Variants in C5 observed in about 807,000 individuals in gnomAD.
The protein encoded by C5 is complement C5, also known as C3 and PZP-like alpha-2-macroglobulin domain-containing protein 4.
In C5, 140 loss-of-function variants were observed where a neutral mutation model predicts 218.8. That is an observed-to-expected ratio of 0.64 (90% CI 0.56 to 0.74). The LOEUF (loss-of-function observed/expected upper bound fraction) is 0.74. Among genes scored for constraint, C5 ranks in the 30% least tolerant of loss-of-function variants. The probability of loss-of-function intolerance (pLI) is 0.00; values close to 1 mark genes in which losing one functional copy is unlikely to be tolerated. For synonymous variants in C5, 614 were observed against 682.3 expected (o/e 0.90, Z 1.56); for missense variants, 1,700 against 1,969.6 (o/e 0.86, Z 2.59).
intron 3 of C5, among the ~76,000 whole-genome samples, chr9:121,041,246 G>A (rs373327589): frequency 1.4e-5 from 2 of 139,488 alleles, no homozygotes; most frequent in Non-Finnish European, 3.1e-5. Context: ...GCCTGGCCAG[G>A]TATTACATCA....
At chr9:121,022,265 AC>A (rs1392754455) in intron 10 of C5, among the ~76,000 whole-genome samples, 1 of 151,308 alleles carries the variant, frequency 6.6e-6, no homozygotes, top group Non-Finnish European at 1.5e-5. Flanking sequence ...AAATAGATAC[AC>A]CTTTTTTCCT....
intron 5 of C5, 46 bp downstream of exon 5, chr9:121,034,757 A>G: frequency 9.2e-7 from 1 of 1,090,044 alleles, no homozygotes; most frequent in Non-Finnish European, 1.4e-6. Context: ...CTGCTTCTTC[A>G]CCAAAAGTTC....
At chr9:120,971,445 T>C (rs2046912672) in intron 31 of C5, among the ~76,000 whole-genome samples, 3 of 152,082 alleles carry the variant, frequency 2.0e-5, no homozygotes, top group Non-Finnish European at 4.4e-5. Flanking sequence ...GGATTAAATT[T>C]TTTTGTGTGT....
At position 120,969,072 on chromosome 9, in the gene C5, T is replaced by A; in HGVS notation, c.4209A>T (p.Val1403=). The A allele has an allele frequency of 6.2e-7, 1 of 1,613,862 alleles. No individual in the cohort carries two copies. The part of the protein sequence containing the change: ...GYGNSDYKRI[V]ACASYKPSRE... ...GGAAATAGGCTCACCTGGCACATGC[T>A]ACTATGCGTTTGTAATCAGAGTTTC... Residue 1403 remains valine (V), a synonymous_variant, in exon 33 of 41, where the codon GTA becomes GTT. Coordinates refer to ENST00000223642, the MANE Select transcript of C5 (RefSeq NM_001735.3).
chr9:120,976,798 G>T lies in C5; in HGVS notation c.3766C>A (p.Leu1256Ile). ...ATATCTTTCAAGTTCAGACTGGTGAGTAAAGCATAGGCAGTTGTTTCTACC... is the reference window on the plus strand; with the variant it reads ...ATATCTTTCAAGTTCAGACTGGTGATTAAAGCATAGGCAGTTGTTTCTACC... ...RMVETTAYAL[L>I]TSLNLKDINY... The change falls in exon 29 of 41, where the codon CTC (leucine) becomes ATC (isoleucine). Residue 1256 changes from leucine to isoleucine, a missense_variant. Transcript: ENST00000223642. The T allele has an allele frequency of 6.2e-7, 1 of 1,614,052 alleles. No homozygotes were observed.
chr9:121,048,269 A>G (rs2047644655), intron 1 of C5, among the ~76,000 whole-genome samples: 1 of 152,208 alleles, frequency 6.6e-6, no homozygotes, highest in Admixed American at 6.5e-5. Context: ...CCCCTGGGCC[A>G]TGGACAAATA....
chr9:121,068,976 T>A, the C5 span, among the ~76,000 whole-genome samples: 2 of 152,070 alleles, frequency 1.3e-5, no homozygotes, highest in East Asian at 1.9e-4. Context: ...TATAAAAACC[T>A]TGTACGTGAG....
chr9:120,991,359 C>T (rs1587964757), intron 22 of C5, 79 bp from the exon 23 acceptor site: 7 of 802,672 alleles, frequency 8.7e-6, no homozygotes, highest in Non-Finnish European at 1.5e-5. Flanking sequence ...GTATCTACTT[C>T]CAAAGAATAT....
intron 22 of C5, among the ~76,000 whole-genome samples, chr9:120,992,967 G>T (rs1286310462): frequency 7.2e-5 from 11 of 152,050 alleles, no homozygotes; most frequent in Non-Finnish European, 1.6e-4. Context: ...AATTTTAAAA[G>T]GATAACCCAA....
the C5 span, among the ~76,000 whole-genome samples, chr9:121,070,534 C>A: frequency 6.6e-6 from 1 of 150,526 alleles, no homozygotes; most frequent in Non-Finnish European, 1.5e-5. Flanking sequence ...CAATGGAATA[C>A]TATTCAGCCA....
chr9:121,036,506 G>A lies in C5; in HGVS notation c.492+1375C>T, dbSNP rs572243073. ...TCCCTGATAGAAAAAGGGCATTTGAGCTGACATTGCTCTCCTTAGTTCTCT... is the reference window on the plus strand; with the variant it reads ...TCCCTGATAGAAAAAGGGCATTTGAACTGACATTGCTCTCCTTAGTTCTCT... On this transcript the variant is annotated intron_variant, in intron 4 of 40. Transcript: ENST00000223642. Among the ~76,000 whole-genome samples the A allele has an allele frequency of 2.0e-3, 306 of 152,312 alleles. 1 individual carries two copies. Among genetic ancestry groups the A allele is most frequent in the African/African-American group, 7.0e-3 (289 of 41,576 alleles).
chr9:121,005,892 A>G (rs1270494077), intron 20 of C5, 27 bp downstream of exon 20: 2 of 1,609,920 alleles, frequency 1.2e-6, no homozygotes, highest in Admixed American at 1.7e-5. Context: ...TGTTTCCTTT[A>G]TCCCATAAAT....
Position 121,015,189 on chromosome 9 carries a change from C to A in C5, c.2059+10G>T. Reference sequence around the variant, plus strand: ...ATAACCTTTTTACAATCACATGAATCTTACAGTACCTATTTCTTCTATCTT... The same window carrying A: ...ATAACCTTTTTACAATCACATGAATATTACAGTACCTATTTCTTCTATCTT... On this transcript the variant is annotated intron_variant, in intron 16 of 40. Coordinates refer to ENST00000223642, the MANE Select transcript of C5 (RefSeq NM_001735.3). 6.4e-7 allele frequency: 1 copy of A among 1,572,086 alleles called. No homozygotes were observed. The highest frequency in any genetic ancestry group is 8.7e-7 in the Non-Finnish European group (1 of 1,143,362).
At chr9:121,049,163 G>T (rs1476461380) in intron 1 of C5, among the ~76,000 whole-genome samples, 2 of 152,146 alleles carry the variant, frequency 1.3e-5, no homozygotes, top group African/African-American at 2.4e-5. Flanking sequence ...TTGCCATGTT[G>T]TAAATGGTAC....
the C5 span, among the ~76,000 whole-genome samples, chr9:121,074,450 TCC>T: frequency 1.3e-5 from 2 of 152,222 alleles, no homozygotes; most frequent in African/African-American, 2.4e-5. Context: ...CCAGGCTGCG[TCC>T]GCTTTGAGGT....
chr9:121,026,721 A>G (rs1033888436), intron 8 of C5, among the ~76,000 whole-genome samples: 7 of 152,196 alleles, frequency 4.6e-5, no homozygotes, highest in African/African-American at 1.7e-4. Flanking sequence ...AAGAGGCTAT[A>G]CAGCCGGGGC....
intron 22 of C5, among the ~76,000 whole-genome samples, chr9:120,994,128 A>G (rs770565379): frequency 6.6e-6 from 1 of 152,202 alleles, no homozygotes; most frequent in Non-Finnish European, 1.5e-5. Flanking sequence ...CTGGTGTCAC[A>G]CAATTTTAAT....
At chr9:121,021,977 C>T (rs957221471) in intron 10 of C5, among the ~76,000 whole-genome samples, 6 of 152,122 alleles carry the variant, frequency 3.9e-5, no homozygotes, top group African/African-American at 1.4e-4. Flanking sequence ...CATGCTCCAC[C>T]ACACCTGGTT....
chr9:120,984,275 G>A (rs953559337), intron 25 of C5, among the ~76,000 whole-genome samples: 8 of 152,012 alleles, frequency 5.3e-5, no homozygotes, highest in African/African-American at 1.9e-4. Context: ...TCTTTCTCTA[G>A]AAACATCAGA....
Sources: gnomAD v4.1 joint callset for allele counts (sites outside exome capture counted in the v4.1 genomes callset) on GRCh38, gnomAD v4.1.1 for gene constraint, MANE v1.5 for transcripts, NCBI Gene and HGNC (gene_info 2026-07-23, HGNC 2026-07-21) for gene names.